Variants in PROM1 observed in about 807,000 individuals in gnomAD.
The protein encoded by PROM1 is prominin 1, also known as prominin-1.
PROM1 carries 105 observed loss-of-function variants against 116.9 expected under a neutral mutation model. The ratio of observed to expected loss-of-function variants is 0.90; its 90% CI spans 0.77 to 1.06. PROM1 has a LOEUF of 1.06. Ranked by LOEUF, PROM1 falls within the 50% of genes least tolerant of loss-of-function variation. The pLI, the probability that PROM1 is intolerant of heterozygous loss-of-function variation, is 0.00. For synonymous variants in PROM1, 393 were observed against 387.0 expected, an observed-to-expected ratio of 1.02 and a Z score of -0.18; for missense variants, 1,122 against 1,045.2, an observed-to-expected ratio of 1.07 and a Z score of -1.01.
intron 6 of PROM1, 31 bp from the exon 7 acceptor site, chr4:16,024,389 C>T (rs1023239146): frequency 5.7e-6 from 9 of 1,575,938 alleles, no homozygotes; most frequent in Non-Finnish European, 6.9e-6. Flanking sequence ...GAAACCTCCC[C>T]TTCTAAGGTC....
intron 26 of PROM1, among the ~76,000 whole-genome samples, chr4:15,976,627 G>A (rs184273729): frequency 3.9e-5 from 6 of 152,338 alleles, no homozygotes; most frequent in Admixed American, 3.3e-4. Context: ...TGATGATCAT[G>A]CCTAAGTGAC....
chr4:16,048,831 C>T (rs1426864578), intron 2 of PROM1, among the ~76,000 whole-genome samples: 6 of 152,182 alleles, frequency 3.9e-5, no homozygotes, highest in Admixed American at 6.5e-5. Context: ...CTCACAGCCA[C>T]GTGTGGACTG....
At chr4:16,064,022 A>T (rs931537103) in intron 2 of PROM1, among the ~76,000 whole-genome samples, 3 of 152,196 alleles carry the variant, frequency 2.0e-5, no homozygotes, top group African/African-American at 4.8e-5. Context: ...TAATGTTTTT[A>T]AAAAATTTGC....
rs113128888 is a variant in PROM1, at chr4:16,036,132, C to T, written c.277-371G>A. 1.4e-3 allele frequency among the ~76,000 whole-genome samples: 213 copies of T among 152,292 alleles called. 2 individuals are homozygous for T. The highest frequency in any genetic ancestry group is 4.8e-3 in the African/African-American group (198 of 41,562). On this transcript the variant is annotated intron_variant, in intron 3 of 27. Transcript: ENST00000447510. ...TCAGATCTGAGAACTCCAGAACCAA[C>T]GGCAGCATCTTCCCAAGTGCCCTTT...
chr4:15,979,581 TA>T (rs1717233231), intron 25 of PROM1, 118 bp from the exon 26 acceptor site: 72 of 1,389,992 alleles, frequency 5.2e-5, no homozygotes, highest in Admixed American at 9.7e-5. Flanking sequence ...TTGTTAAATC[TA>T]AAAAAAAGAC....
chr4:16,049,062 G>A (rs1021135644), intron 2 of PROM1, among the ~76,000 whole-genome samples: 3 of 152,232 alleles, frequency 2.0e-5, no homozygotes, highest in African/African-American at 7.2e-5. Flanking sequence ...TGGGCCATGG[G>A]CCGGGTTCCT....
chr4:16,001,764 C>T (rs1336120187), intron 13 of PROM1, among the ~76,000 whole-genome samples: 1 of 152,142 alleles, frequency 6.6e-6, no homozygotes, highest in African/African-American at 2.4e-5. Flanking sequence ...CAGATCACTC[C>T]TCTGAGAGCC....
At chr4:16,039,777 T>C (rs1734774597) in intron 2 of PROM1, among the ~76,000 whole-genome samples, 1 of 151,916 alleles carries the variant, frequency 6.6e-6, no homozygotes, top group Non-Finnish European at 1.5e-5. Flanking sequence ...TCTCTTCCTG[T>C]CTCCAAGCAG....
chr4:16,056,987 A>C (rs902184727), intron 2 of PROM1, among the ~76,000 whole-genome samples: 1 of 152,226 alleles, frequency 6.6e-6, no homozygotes. Context: ...CTTCAGGAAG[A>C]CTGGCCTGCT....
At chr4:16,032,612 A>G (rs1732973544) in intron 5 of PROM1, among the ~76,000 whole-genome samples, 1 of 152,154 alleles carries the variant, frequency 6.6e-6, no homozygotes, top group Non-Finnish European at 1.5e-5. Flanking sequence ...GCAACATAAC[A>G]AGGGAACACT....
At chr4:15,997,991 A>G (rs531233869) in intron 15 of PROM1, among the ~76,000 whole-genome samples, 1 of 152,332 alleles carries the variant, frequency 6.6e-6, no homozygotes, top group South Asian at 2.1e-4. Context: ...CAGCTCTCCA[A>G]CTGCATTGCC....
chr4:15,992,582 G>A (rs1015942334), intron 16 of PROM1, among the ~76,000 whole-genome samples, 191 bp from the exon 17 acceptor site: 1 of 151,862 alleles, frequency 6.6e-6, no homozygotes, highest in South Asian at 2.1e-4. Context: ...AAGAGACCTT[G>A]TCTCTATTTA....
chr4:16,063,633 T>C (rs1023480169), intron 2 of PROM1, among the ~76,000 whole-genome samples: 2 of 152,144 alleles, frequency 1.3e-5, no homozygotes, highest in African/African-American at 2.4e-5. Flanking sequence ...TAAGGAGATA[T>C]ATCAACCAAT....
chr4:16,022,003 G>C (rs1274356451), intron 8 of PROM1, among the ~76,000 whole-genome samples: 1 of 152,118 alleles, frequency 6.6e-6, no homozygotes, highest in African/African-American at 2.4e-5. Flanking sequence ...AGGGACATCA[G>C]AGATGAGTGT....
chr4:15,982,414 T>C (rs1331286315), intron 23 of PROM1, among the ~76,000 whole-genome samples: 9 of 152,210 alleles, frequency 5.9e-5, no homozygotes, highest in Admixed American at 5.9e-4. Flanking sequence ...TTGAGAAGCT[T>C]TATAACTTTA....
rs776642547 is a variant in PROM1, at chr4:15,984,214, C to T, written c.2373+49G>A. ...TGTATATCATAATCCAGAAAAACAA[C>T]CAAAGATGATGGATTCATTGTGTCT... is the stretch of plus-strand genomic sequence containing the variant. On this transcript the variant is annotated intron_variant, in intron 23 of 27. Transcript: ENST00000447510. 1.5e-5 allele frequency: 21 copies of T among 1,410,936 alleles called. No homozygotes were observed. In the Middle Eastern group the frequency reaches 1.1e-3, roughly 71 times the overall value. The allele number at this position is 1,410,936 out of a possible 1,614,324, so 87.4% of individuals were successfully genotyped here.
chr4:16,064,167 G>C lies in PROM1; in HGVS notation c.220+11520C>G, dbSNP rs548980851. ...TACATATAGTCACTAAAACACATAGGAAAAATCTTCATAGCAGGACTAAGC... is the reference window on the plus strand; with the variant it reads ...TACATATAGTCACTAAAACACATAGCAAAAATCTTCATAGCAGGACTAAGC... On this transcript the variant is annotated intron_variant, in intron 2 of 27. Coordinates refer to ENST00000447510, the MANE Select transcript of PROM1 (RefSeq NM_006017.3). Among the ~76,000 whole-genome samples the C allele has an allele frequency of 5.4e-4, 82 of 152,230 alleles. 1 individual carries two copies. Among genetic ancestry groups the C allele is most frequent in the African/African-American group, 1.9e-3 (79 of 41,522 alleles).
At chr4:16,049,858 T>C (rs1261625177) in intron 2 of PROM1, among the ~76,000 whole-genome samples, 1 of 152,188 alleles carries the variant, frequency 6.6e-6, no homozygotes, top group Non-Finnish European at 1.5e-5. Context: ...TCATTCCTTC[T>C]TAAAATGAGT....
At chr4:16,005,726 C>A (rs1203123842) in intron 13 of PROM1, among the ~76,000 whole-genome samples, 1 of 152,156 alleles carries the variant, frequency 6.6e-6, no homozygotes, top group African/African-American at 2.4e-5. Context: ...TAACCACTGA[C>A]CTAGAGCCCC....
Sources: gnomAD v4.1 joint callset for allele counts (sites outside exome capture counted in the v4.1 genomes callset) on GRCh38, gnomAD v4.1.1 for gene constraint, MANE v1.5 for transcripts, NCBI Gene and HGNC (gene_info 2026-07-23, HGNC 2026-07-21) for gene names.